CDYL: variants seen among roughly 807,000 people sequenced by gnomAD.
The protein encoded by CDYL is chromodomain Y like, also known as chromodomain Y-like protein.
CDYL carries 8 observed loss-of-function variants against 47.3 expected under a neutral mutation model. The ratio of observed to expected loss-of-function variants is 0.17; its 90% CI spans 0.10 to 0.31. The LOEUF (loss-of-function observed/expected upper bound fraction) is 0.31. CDYL is among the 10% of genes least tolerant of loss of function. CDYL has a pLI of 1.00. For missense variants in CDYL, 471 were observed against 701.4 expected (o/e 0.67, Z 3.71); for synonymous variants, 266 against 265.0 (o/e 1.00, Z -0.04).
At chr6:4,784,367 A>G (rs529239752) in intron 1 of CDYL, among the ~76,000 whole-genome samples, 32 of 152,296 alleles carry the variant, frequency 2.1e-4, no homozygotes, top group Middle Eastern at 3.4e-3. Context: ...AGATCTAGTT[A>G]ATTTGTAATG....
chr6:4,757,180 C>A (rs972299833), intron 3 of CDYL, among the ~76,000 whole-genome samples: 49 of 152,128 alleles, frequency 3.2e-4, no homozygotes, highest in African/African-American at 1.1e-3. Flanking sequence ...GTCATCTAAA[C>A]CAATGATGCC....
At chr6:4,908,313 G>A (rs112229476) in intron 2 of CDYL, among the ~76,000 whole-genome samples, 3 of 152,200 alleles carry the variant, frequency 2.0e-5, no homozygotes, top group Admixed American at 6.5e-5. Context: ...CATCCAGGCC[G>A]TGTAGATGAT....
At chr6:4,815,049 A>G (rs78277593) in intron 1 of CDYL, among the ~76,000 whole-genome samples, 3,522 of 152,138 alleles carry the variant, frequency 0.023, 145 homozygotes, top group African/African-American at 0.08. Flanking sequence ...CTTCTCTTCA[A>G]TCCCAAAGTC....
chr6:4,923,716 GA>G (rs1757782476), intron 2 of CDYL, among the ~76,000 whole-genome samples: 1 of 151,994 alleles, frequency 6.6e-6, no homozygotes, highest in South Asian at 2.1e-4. Flanking sequence ...CTAACCCGGT[GA>G]AACCCCGTCT....
chr6:4,731,377 A>G (rs1311086401), intron 2 of CDYL, among the ~76,000 whole-genome samples: 1 of 152,202 alleles, frequency 6.6e-6, no homozygotes, highest in Non-Finnish European at 1.5e-5. Flanking sequence ...AATAGCCAGC[A>G]TGCCTTTTAA....
intron 1 of CDYL, among the ~76,000 whole-genome samples, chr6:4,826,255 T>C (rs1759979191): frequency 1.3e-5 from 2 of 152,226 alleles, no homozygotes; most frequent in South Asian, 4.1e-4. Context: ...TTTTCTTTTT[T>C]TCTCTGTCCA....
At chr6:4,810,554 A>G (rs985731114) in intron 1 of CDYL, among the ~76,000 whole-genome samples, 1 of 152,108 alleles carries the variant, frequency 6.6e-6, no homozygotes, top group Non-Finnish European at 1.5e-5. Flanking sequence ...TTGTTTTAGT[A>G]TATAATAAAA....
At chr6:4,908,949 A>G (rs1008228009) in intron 2 of CDYL, among the ~76,000 whole-genome samples, 1 of 152,186 alleles carries the variant, frequency 6.6e-6, no homozygotes, top group African/African-American at 2.4e-5. Flanking sequence ...AAGCCACAAA[A>G]GGTTCTATGC....
chr6:4,797,427 C>CTTT (rs77314083), intron 1 of CDYL, among the ~76,000 whole-genome samples: 11 of 140,948 alleles, frequency 7.8e-5, no homozygotes, highest in African/African-American at 2.6e-4. Context: ...CTTTTCATTT[C>CTTT]TTTTTTTTTT....
chr6:4,930,929 G>A (rs1014692789), intron 2 of CDYL, among the ~76,000 whole-genome samples: 1 of 152,226 alleles, frequency 6.6e-6, no homozygotes, highest in African/African-American at 2.4e-5. Context: ...CGTTCCAGGG[G>A]AGTCGCACTA....
chr6:4,866,010 G>A (rs1005876361), intron 1 of CDYL, among the ~76,000 whole-genome samples: 27 of 152,100 alleles, frequency 1.8e-4, no homozygotes, highest in African/African-American at 6.5e-4. Flanking sequence ...TTACACACTA[G>A]GCCAGAAAGC....
At chr6:4,935,172 G>C (rs914295107) in intron 2 of CDYL, among the ~76,000 whole-genome samples, 1 of 151,642 alleles carries the variant, frequency 6.6e-6, no homozygotes, top group Non-Finnish European at 1.5e-5. Flanking sequence ...TTTTTCTTTC[G>C]GCTTCTCAAA....
At chr6:4,713,142 G>C (rs115150483) in intron 1 of CDYL, among the ~76,000 whole-genome samples, 1 of 152,284 alleles carries the variant, frequency 6.6e-6, no homozygotes, top group African/African-American at 2.4e-5. Context: ...AAATGGCCCT[G>C]ACAATTCTCT....
At chr6:4,822,145 T>G (rs1759856587) in intron 1 of CDYL, among the ~76,000 whole-genome samples, 1 of 150,350 alleles carries the variant, frequency 6.7e-6, no homozygotes, top group African/African-American at 2.5e-5. Flanking sequence ...ATTTTTCTTT[T>G]CTTTATTTTT....
chr6:4,713,240 T>C (rs1166157619), intron 1 of CDYL, among the ~76,000 whole-genome samples: 1 of 152,182 alleles, frequency 6.6e-6, no homozygotes, highest in Non-Finnish European at 1.5e-5. Flanking sequence ...TCTGCCTCCC[T>C]GGATCTCGTG....
chr6:4,858,119 A>G (rs1271225973), intron 1 of CDYL, among the ~76,000 whole-genome samples: 1 of 151,998 alleles, frequency 6.6e-6, no homozygotes, highest in Non-Finnish European at 1.5e-5. Flanking sequence ...AAGAAGTTCA[A>G]CTAGGAGCCT....
intron 1 of CDYL, among the ~76,000 whole-genome samples, chr6:4,802,990 G>A (rs978816745): frequency 7.2e-5 from 11 of 151,988 alleles, no homozygotes; most frequent in East Asian, 1.9e-4. Flanking sequence ...TTTCCATTGC[G>A]TCCCCCACCC....
intron 1 of CDYL, among the ~76,000 whole-genome samples, chr6:4,802,420 T>TC (rs923363899): frequency 1.3e-5 from 2 of 152,072 alleles, no homozygotes; most frequent in African/African-American, 4.8e-5. Context: ...GTGTGTGTAG[T>TC]CCCAGCTACT....
chr6:4,746,618 T>G (rs892990138), intron 3 of CDYL, among the ~76,000 whole-genome samples: 1 of 152,136 alleles, frequency 6.6e-6, no homozygotes, highest in Non-Finnish European at 1.5e-5. Flanking sequence ...AATGTCCAGG[T>G]ACCCAGCTCG....
Sources: gnomAD v4.1 joint callset for allele counts (sites outside exome capture counted in the v4.1 genomes callset) on GRCh38, gnomAD v4.1.1 for gene constraint, MANE v1.5 for transcripts, NCBI Gene and HGNC (gene_info 2026-07-23, HGNC 2026-07-21) for gene names.